PRELID2: variants seen among roughly 807,000 people sequenced by gnomAD.
The protein encoded by PRELID2 is PRELI domain-containing protein 2.
PRELID2 carries 25 observed loss-of-function variants against 28.4 expected under a neutral mutation model. The ratio of observed to expected loss-of-function variants is 0.88; its 90% CI spans 0.64 to 1.23. The LOEUF is 1.23. Among genes scored for constraint, PRELID2 ranks in the 50% most tolerant of loss-of-function variants. PRELID2 has a pLI of 0.00. For synonymous variants in PRELID2, 76 were observed against 71.6 expected (o/e 1.06, Z -0.31); for missense variants, 201 against 214.4 (o/e 0.94, Z 0.39).
intron 1 of PRELID2, among the ~76,000 whole-genome samples, chr5:145,673,743 A>G (rs528511618): frequency 1.2e-3 from 186 of 152,284 alleles, no homozygotes; most frequent in Non-Finnish European, 2.3e-3. Context: ...AAATGGATCT[A>G]TAAATAAGCA....
At chr5:145,705,031 A>G (rs1755507514) in intron 1 of PRELID2, among the ~76,000 whole-genome samples, 1 of 152,122 alleles carries the variant, frequency 6.6e-6, no homozygotes, top group African/African-American at 2.4e-5. Flanking sequence ...CTTGTTTAAG[A>G]CACCCAAGGT....
chr5:145,742,551 T>C (rs574768335), intron 1 of PRELID2, among the ~76,000 whole-genome samples: 1 of 139,728 alleles, frequency 7.2e-6, no homozygotes, highest in South Asian at 2.2e-4. Context: ...AAAAAAGAAC[T>C]AAATTTAAAA....
intron 1 of PRELID2, among the ~76,000 whole-genome samples, chr5:145,730,423 A>T (rs1016659393): frequency 6.6e-6 from 1 of 152,074 alleles, no homozygotes; most frequent in Non-Finnish European, 1.5e-5. Flanking sequence ...CAAAATGCCA[A>T]ACTAAGGTGA....
At chr5:145,761,202 T>C (rs1424088970) in intron 6 of PRELID2, among the ~76,000 whole-genome samples, 3 of 152,348 alleles carry the variant, frequency 2.0e-5, no homozygotes, top group African/African-American at 4.8e-5. Context: ...GTCTTTTAAG[T>C]ATTAAAAATT....
intron 1 of PRELID2, among the ~76,000 whole-genome samples, chr5:145,498,908 G>C (rs1373572936): frequency 6.6e-6 from 1 of 151,342 alleles, no homozygotes. Context: ...AAACAAAAAT[G>C]AGAAAAAAAT....
chr5:145,244,516 G>C, the PRELID2 span, among the ~76,000 whole-genome samples: 1 of 151,918 alleles, frequency 6.6e-6, no homozygotes. Flanking sequence ...GGAGGGAAAG[G>C]CTGTTATGAG....
the PRELID2 span, among the ~76,000 whole-genome samples, chr5:145,276,529 C>T: frequency 6.6e-6 from 1 of 152,112 alleles, no homozygotes; most frequent in African/African-American, 2.4e-5. Context: ...ATGTAAAATG[C>T]TATCCCTAAG....
intron 1 of PRELID2, among the ~76,000 whole-genome samples, chr5:145,498,185 T>TA (rs34153276): frequency 0.21 from 31,732 of 151,192 alleles, 3,751 homozygotes; most frequent in South Asian, 0.37. Flanking sequence ...TAAAACAAGG[T>TA]AAAAAAAAAC....
intron 1 of PRELID2, among the ~76,000 whole-genome samples, chr5:145,549,798 A>T (rs1003504621): frequency 6.7e-6 from 1 of 149,692 alleles, no homozygotes; most frequent in Non-Finnish European, 1.5e-5. Flanking sequence ...CAGTCTCAAA[A>T]AAAGAAAAAA....
chr5:145,617,340 T>G (rs1484892248), intron 1 of PRELID2, among the ~76,000 whole-genome samples: 1 of 152,208 alleles, frequency 6.6e-6, no homozygotes, highest in African/African-American at 2.4e-5. Flanking sequence ...CCATGAAATC[T>G]TCACAATTTA....
At chr5:145,430,055 T>A in the PRELID2 span, 2 of 152,314 alleles carry the variant, frequency 1.3e-5, no homozygotes, top group African/African-American at 4.8e-5. Flanking sequence ...GGGTCCTTAG[T>A]CTCATGGGAA....
chr5:145,617,891 G>A (rs1038054546), intron 1 of PRELID2, among the ~76,000 whole-genome samples: 1 of 151,838 alleles, frequency 6.6e-6, no homozygotes, highest in Non-Finnish European at 1.5e-5. Flanking sequence ...GCACCACCAC[G>A]CCCAGCTAAT....
chr5:145,535,382 A>T (rs975853409), intron 1 of PRELID2, among the ~76,000 whole-genome samples: 1 of 151,914 alleles, frequency 6.6e-6, no homozygotes, highest in Non-Finnish European at 1.5e-5. Context: ...GTGAGACTTG[A>T]GCCCACTTCT....
chr5:145,503,377 T>C (rs569544420), intron 1 of PRELID2, among the ~76,000 whole-genome samples: 5 of 152,226 alleles, frequency 3.3e-5, no homozygotes, highest in African/African-American at 1.2e-4. Flanking sequence ...ACAATGGTGA[T>C]AAAATTAAGA....
intron 1 of PRELID2, among the ~76,000 whole-genome samples, chr5:145,738,720 T>C (rs1214982889): frequency 6.6e-6 from 1 of 152,150 alleles, no homozygotes; most frequent in African/African-American, 2.4e-5. Flanking sequence ...ACTCCTGTCA[T>C]CATAATTCCA....
At chr5:145,255,267 G>A in the PRELID2 span, among the ~76,000 whole-genome samples, 1 of 151,974 alleles carries the variant, frequency 6.6e-6, no homozygotes, top group Non-Finnish European at 1.5e-5. Context: ...TTAGAATTAT[G>A]AGACTTTAAA....
the PRELID2 span, among the ~76,000 whole-genome samples, chr5:145,248,948 T>G: frequency 6.6e-6 from 1 of 152,248 alleles, no homozygotes; most frequent in Non-Finnish European, 1.5e-5. Context: ...AAATTTTCAG[T>G]GCCAGCCTAT....
At chr5:145,427,969 T>A in the PRELID2 span, among the ~76,000 whole-genome samples, 1 of 152,152 alleles carries the variant, frequency 6.6e-6, no homozygotes, top group Non-Finnish European at 1.5e-5. Context: ...TCTTTCTTTC[T>A]TTTTTTGAGA....
At chr5:145,769,520 C>G (rs915169206) in intron 5 of PRELID2, among the ~76,000 whole-genome samples, 7 of 152,172 alleles carry the variant, frequency 4.6e-5, no homozygotes, top group Non-Finnish European at 1.0e-4. Context: ...TAAAACTAAT[C>G]CTTCCTTGAG....
Sources: allele counts gnomAD v4.1 joint callset (sites outside exome capture counted in the v4.1 genomes callset), GRCh38; gene constraint gnomAD v4.1.1; transcripts MANE v1.5; gene names NCBI Gene and HGNC (gene_info 2026-07-23, HGNC 2026-07-21).